FHIT: variants seen among roughly 807,000 people sequenced by gnomAD.
The protein encoded by FHIT is fragile histidine triad diadenosine triphosphatase, also known as bis(5'-adenosyl)-triphosphatase.
A neutral mutation model predicts 17.9 loss-of-function variants in FHIT; 19 were observed. That is an observed-to-expected ratio of 1.06 (90% confidence interval 0.74 to 1.56). FHIT has a LOEUF of 1.56. FHIT is among the 40% of genes most tolerant of loss of function. FHIT has a pLI of 0.00. For synonymous variants in FHIT, 81 were observed against 69.7 expected, an observed-to-expected ratio of 1.16 and a Z score of -0.81; for missense variants, 248 against 189.2, an observed-to-expected ratio of 1.31 and a Z score of -1.82.
At chr3:60,461,606 T>C (rs1360700297) in intron 5 of FHIT, among the ~76,000 whole-genome samples, 1 of 152,220 alleles carries the variant, frequency 6.6e-6, no homozygotes, top group Non-Finnish European at 1.5e-5. Flanking sequence ...ACATCACCAC[T>C]TGAAATTATT....
rs188595386 is a variant in FHIT at position 60,345,740 on chromosome 3, G to A, written c.103+191120C>T. Among the ~76,000 whole-genome samples the A allele has an allele frequency of 3.8e-3, 572 of 152,230 alleles. 3 individuals carry two copies. Among genetic ancestry groups the A allele is most frequent in the Non-Finnish European group, 6.1e-3 (418 of 68,006 alleles). Reference sequence around the variant, plus strand: ...AAATTACAACAGTTTATTGAATCTTGAATGACATCAGTAGTAAGACCTACC... The same window carrying A: ...AAATTACAACAGTTTATTGAATCTTAAATGACATCAGTAGTAAGACCTACC... On this transcript the variant is annotated intron_variant, in intron 5 of 9. Transcript: ENST00000492590.
intron 5 of FHIT, among the ~76,000 whole-genome samples, chr3:60,461,011 C>T (rs1294611510): frequency 6.6e-6 from 1 of 151,958 alleles, no homozygotes; most frequent in African/African-American, 2.4e-5. Context: ...AAGAGAATAC[C>T]ATATGTAACA....
Position 60,743,183 on chromosome 3 carries a change from G to A in FHIT, c.-18+78736C>T, listed in dbSNP as rs1440020441. ...GGCTGAGGTCACATTTTTAGGCTCT[G>A]AGCTGCTTTCTCTATTTGCAAAGTG... On this transcript the variant is annotated intron_variant, in intron 4 of 9. Transcript: ENST00000492590. 1.3e-5 allele frequency among the ~76,000 whole-genome samples: 2 copies of A among 152,206 alleles called. 1 individual carries two copies. Among genetic ancestry groups the A allele is most frequent in the Non-Finnish European group, 2.9e-5 (2 of 68,032 alleles).
chr3:59,923,163 T>C (rs368788527), intron 7 of FHIT, among the ~76,000 whole-genome samples: 1 of 134,380 alleles, frequency 7.4e-6, no homozygotes, highest in Non-Finnish European at 1.5e-5. Flanking sequence ...AGGCGGAGCT[T>C]GCAGTGAGCT....
In FHIT at chr3:61,120,000, T is replaced by G. The variant is rs146207374; in HGVS notation, c.-163-77901A>C. On this transcript the variant is annotated intron_variant, in intron 2 of 9. Transcript: ENST00000492590. The stretch of plus-strand genomic sequence containing the variant: ...TTAATTCCTCATAATAAATCTCTTT[T>G]TATTGATTCTTTTTCTCTGGATAAC... Among the ~76,000 whole-genome samples the G allele has an allele frequency of 7.5e-3, 1,147 of 152,324 alleles. 15 individuals carry two copies. The highest frequency in any genetic ancestry group is 0.026 in the African/African-American group (1,096 of 41,568).
chr3:59,842,304 T>C (rs1402043958), intron 8 of FHIT, among the ~76,000 whole-genome samples: 2 of 152,236 alleles, frequency 1.3e-5, no homozygotes, highest in Non-Finnish European at 2.9e-5. Flanking sequence ...TATTCAATCA[T>C]GTTTCAATGG....
intron 4 of FHIT, among the ~76,000 whole-genome samples, chr3:60,538,588 C>G (rs2036070862): frequency 6.6e-6 from 1 of 152,064 alleles, no homozygotes; most frequent in Non-Finnish European, 1.5e-5. Flanking sequence ...GGTACCAAAA[C>G]AGAGATATAG....
At chr3:60,539,809 G>A (rs1169730994) in intron 4 of FHIT, among the ~76,000 whole-genome samples, 5 of 152,088 alleles carry the variant, frequency 3.3e-5, no homozygotes, top group African/African-American at 1.2e-4. Context: ...GGCGAGGGTG[G>A]AGGGATAGCA....
chr3:61,179,898 C>T (rs1046920783), intron 2 of FHIT, among the ~76,000 whole-genome samples: 1 of 152,044 alleles, frequency 6.6e-6, no homozygotes, highest in African/African-American at 2.4e-5. Context: ...GGCATGATGA[C>T]TTTGGGAAAA....
chr3:60,653,497 T>A (rs2040044610), intron 4 of FHIT, among the ~76,000 whole-genome samples: 1 of 88,520 alleles, frequency 1.1e-5, no homozygotes, highest in Admixed American at 1.2e-4. Context: ...ATTTTCACAA[T>A]AAGAAAAAAA....
chr3:60,811,301 A>G (rs560901526), intron 4 of FHIT, among the ~76,000 whole-genome samples: 1 of 152,322 alleles, frequency 6.6e-6, no homozygotes, highest in East Asian at 1.9e-4. Context: ...TAATCCTACT[A>G]AGATTCTGAA....
chr3:60,520,230 T>C (rs563409758), intron 5 of FHIT, among the ~76,000 whole-genome samples: 20 of 152,298 alleles, frequency 1.3e-4, no homozygotes, highest in African/African-American at 3.6e-4. Context: ...TTTTTAGATA[T>C]TTCTAGCTAG....
chr3:60,995,342 T>C (rs929412620), intron 3 of FHIT, among the ~76,000 whole-genome samples: 1 of 152,018 alleles, frequency 6.6e-6, no homozygotes, highest in Non-Finnish European at 1.5e-5. Context: ...ATAATAATAA[T>C]AGTTTAATAA....
At chr3:60,303,528 C>A (rs370066565) in intron 5 of FHIT, among the ~76,000 whole-genome samples, 1 of 152,186 alleles carries the variant, frequency 6.6e-6, no homozygotes, top group Non-Finnish European at 1.5e-5. Context: ...AAGACCATTT[C>A]CAGAGCCTTC....
intron 5 of FHIT, among the ~76,000 whole-genome samples, chr3:60,170,339 T>G (rs1038471675): frequency 4.6e-5 from 7 of 152,140 alleles, no homozygotes; most frequent in African/African-American, 1.7e-4. Context: ...CAATATATGA[T>G]TCTGTAAATC....
At chr3:60,776,676 A>T (rs1475885512) in intron 4 of FHIT, among the ~76,000 whole-genome samples, 2 of 152,240 alleles carry the variant, frequency 1.3e-5, no homozygotes, top group African/African-American at 2.4e-5. Flanking sequence ...ACACAATTAA[A>T]GCAACTTAAC....
chr3:61,231,006 C>G (rs900529456), intron 1 of FHIT, among the ~76,000 whole-genome samples: 1 of 152,060 alleles, frequency 6.6e-6, no homozygotes, highest in South Asian at 2.1e-4. Context: ...CTGGTAAAAT[C>G]ATATAGAACT....
In FHIT at chr3:59,749,180, A is replaced by G; in HGVS notation, c.*405T>C. 4.4e-6 allele frequency: 1 copy of G among 229,474 alleles called. No individual in the cohort carries two copies. The highest frequency in any genetic ancestry group is 8.6e-6 in the Non-Finnish European group (1 of 115,712). The allele number at this position is 229,474 out of a possible 1,614,324, so 14.2% of individuals were successfully genotyped here. ...ATGTATAAAAATTCAATATGTAGAC[A>G]TTTTTTTTGAAAAGGGAAGAAATAA... On this transcript the variant is annotated 3_prime_UTR_variant, in exon 10 of 10. Coordinates refer to ENST00000492590, the MANE Select transcript of FHIT (RefSeq NM_002012.4).
At chr3:61,054,187 C>T (rs957910757) in intron 2 of FHIT, among the ~76,000 whole-genome samples, 1 of 152,156 alleles carries the variant, frequency 6.6e-6, no homozygotes, top group African/African-American at 2.4e-5. Flanking sequence ...ACACTTCTTA[C>T]AGATTATGCA....
Sources: gnomAD v4.1 joint callset for allele counts (sites outside exome capture counted in the v4.1 genomes callset) on GRCh38, gnomAD v4.1.1 for gene constraint, MANE v1.5 for transcripts, NCBI Gene and HGNC (gene_info 2026-07-23, HGNC 2026-07-21) for gene names.